BRD3: variants seen among roughly 807,000 people sequenced by gnomAD.
BRD3 encodes the protein bromodomain containing 3, also known as bromodomain-containing protein 3.
Under a neutral mutation model 66.8 loss-of-function variants are expected in BRD3, and 17 were observed. That is an observed-to-expected ratio of 0.25 (90% CI 0.17 to 0.38). BRD3 has a LOEUF of 0.38. BRD3 is among the 10% of genes least tolerant of loss of function. The pLI is 1.00. For synonymous variants in BRD3, 421 were observed against 393.2 expected, an observed-to-expected ratio of 1.07 and a Z score of -0.84; for missense variants, 713 against 956.1, an observed-to-expected ratio of 0.75 and a Z score of 3.35.
chr9:134,065,812 C>T (rs1454578547), intron 1 of BRD3, among the ~76,000 whole-genome samples: 2 of 152,248 alleles, frequency 1.3e-5, no homozygotes, highest in Non-Finnish European at 2.9e-5. Flanking sequence ...AAGGCCATCA[C>T]TGCCGCCTGG....
intron 9 of BRD3, among the ~76,000 whole-genome samples, chr9:134,039,559 C>T (rs899823757): frequency 1.3e-5 from 2 of 152,220 alleles, no homozygotes; most frequent in African/African-American, 4.8e-5. Context: ...TGAGCTCCTT[C>T]CCTACTAGCT....
chr9:134,034,964 G>A (rs974472386), intron 10 of BRD3, 135 bp from the exon 11 acceptor site: 1 of 1,355,040 alleles, frequency 7.4e-7, no homozygotes, highest in African/African-American at 1.5e-5. Flanking sequence ...ATGAGTCTGG[G>A]AGCTGACAGA....
At chr9:134,060,798 C>A (rs1353154826) in intron 1 of BRD3, among the ~76,000 whole-genome samples, 8 of 152,210 alleles carry the variant, frequency 5.3e-5, no homozygotes, top group African/African-American at 1.9e-4. Flanking sequence ...CTATCCTCAC[C>A]CTTGCTGTGT....
intron 1 of BRD3, 93 bp downstream of exon 1, chr9:134,067,852 C>T (rs1371977456): frequency 7.0e-6 from 1 of 143,726 alleles, no homozygotes; most frequent in African/African-American, 2.5e-5. Flanking sequence ...CTGCGCGGGG[C>T]GCTCGGGGCC....
At chr9:134,041,699 G>T in intron 8 of BRD3, 61 bp downstream of exon 8, 1 of 1,560,066 alleles carries the variant, frequency 6.4e-7, no homozygotes, top group Non-Finnish European at 8.7e-7. Context: ...CGGACCTTGG[G>T]CTGCTGTGCC....
chr9:134,056,395 G>A (rs1331339806), intron 1 of BRD3, among the ~76,000 whole-genome samples: 1 of 152,188 alleles, frequency 6.6e-6, no homozygotes, highest in Non-Finnish European at 1.5e-5. Flanking sequence ...TCGGTGGTGA[G>A]GCATGGTGAT....
intron 5 of BRD3, among the ~76,000 whole-genome samples, chr9:134,049,967 C>T (rs957251271): frequency 2.6e-5 from 4 of 152,150 alleles, no homozygotes; most frequent in African/African-American, 7.2e-5. Flanking sequence ...AGCCCACAGG[C>T]GGGGCCAGCT....
intron 6 of BRD3, among the ~76,000 whole-genome samples, chr9:134,046,802 G>A (rs1470936056): frequency 6.6e-6 from 1 of 152,180 alleles, no homozygotes; most frequent in East Asian, 1.9e-4. Context: ...GGGAAGCTCC[G>A]AACAAAGCAG....
chr9:134,045,384 C>A lies in BRD3; in HGVS notation c.1124G>T (p.Gly375Val), dbSNP rs746280960. 6.2e-7 allele frequency: 1 copy of A among 1,613,704 alleles called. No individual in the cohort carries two copies. The highest frequency in any genetic ancestry group is 1.1e-5 in the South Asian group (1 of 91,088). Reference sequence around the variant, plus strand: ...CATCAGCCGGACATCAGCAGCAAAGCCCTGTGCGTCTGGGTACTCTCGGCC... The same window carrying A: ...CATCAGCCGGACATCAGCAGCAAAGACCTGTGCGTCTGGGTACTCTCGGCC... ...MDGREYPDAQ[G>V]FAADVRLMFS... The change falls in exon 7 of 12, where the codon GGC becomes GTC. Residue 375 changes from glycine to valine, a missense_variant. Gly to Val is a moderately radical substitution (Grantham distance 109). Around this residue, in one of 5 missense-constraint regions of BRD3, gnomAD observed 418 missense variants for 609.3 expected, o/e 0.69. Transcript: ENST00000303407. This position sits in a 1 kb window ranked among gnomAD's most constrained non-coding sequence, Gnocchi z 4.8.
Position 134,051,889 on chromosome 9 carries a change from G to GTT in BRD3, c.352-182_352-181dup, listed in dbSNP as rs886259053. ...TGTGTGTGTGTGTGTTGTTTTTTTT[G>GTT]TTTTTTTTTTTTTTTTTTTGAGATG... On this transcript the variant is annotated intron_variant, in intron 3 of 11. Coordinates refer to ENST00000303407, the MANE Select transcript of BRD3 (RefSeq NM_007371.4). 1.3e-3 allele frequency among the ~76,000 whole-genome samples: 75 copies of GTT among 59,028 alleles called. 2 individuals are homozygous for GTT. The highest frequency in any genetic ancestry group is 3.8e-3 in the African/African-American group (60 of 15,762). 38.7% of individuals were successfully genotyped at this position (59,028 alleles called of 152,430 possible).
At chr9:134,039,908 G>C in intron 9 of BRD3, 126 bp downstream of exon 9, 2 of 1,459,018 alleles carry the variant, frequency 1.4e-6, no homozygotes, top group Non-Finnish European at 1.8e-6. Context: ...CTGTCTCCCT[G>C]CCCCCATCAC....
chr9:134,058,552 T>C lies in BRD3; in HGVS notation c.-113-4962A>G, dbSNP rs563492589. Reference sequence around the variant, plus strand: ...CCCAGGCCAGAGCCTGACCACTCCGTGTCACCTGCCTCTACTCCTGTAGTG... The same window carrying C: ...CCCAGGCCAGAGCCTGACCACTCCGCGTCACCTGCCTCTACTCCTGTAGTG... On this transcript the variant is annotated intron_variant, in intron 1 of 11. Coordinates refer to ENST00000303407, the MANE Select transcript of BRD3 (RefSeq NM_007371.4). 4 of 152,386 alleles carry C rather than the reference T, an allele frequency of 2.6e-5. No individual in the cohort carries two copies. In the East Asian group the frequency reaches 7.7e-4, roughly 29 times the overall value. The allele number at this position is 152,386 out of a possible 1,614,324, so 9.4% of individuals were successfully genotyped here.
At chr9:134,034,422 C>T in intron 11 of BRD3, 1 of 410,012 alleles carries the variant, frequency 2.4e-6, no homozygotes, top group Non-Finnish European at 4.5e-6. Flanking sequence ...TCCAGCCCCA[C>T]AAGAGCCCTC....
Position 134,032,104 on chromosome 9 carries a change from C to T in BRD3, c.*1486G>A, listed in dbSNP as rs1025003798. The T allele has an allele frequency of 3.2e-5, 7 of 217,644 alleles. No homozygotes were observed. Among genetic ancestry groups the T allele is most frequent in the East Asian group, 6.8e-5 (1 of 14,706 alleles). The allele number at this position is 217,644 out of a possible 1,614,324, so 13.5% of individuals were successfully genotyped here. On this transcript the variant is annotated 3_prime_UTR_variant, in exon 12 of 12. Transcript: ENST00000303407. ...TAACTCTGGCATTCCTGGCCGGAGCCGCCATGCTCATTGGTGGGCCAGTTT... is the reference window on the plus strand; with the variant it reads ...TAACTCTGGCATTCCTGGCCGGAGCTGCCATGCTCATTGGTGGGCCAGTTT...
intron 4 of BRD3, 31 bp from the exon 5 acceptor site, chr9:134,050,619 C>G (rs150376928): frequency 6.4e-7 from 1 of 1,552,664 alleles, no homozygotes; most frequent in South Asian, 1.1e-5. Context: ...GTTCAACACA[C>G]CAGGCTCCAC....
intron 1 of BRD3, among the ~76,000 whole-genome samples, chr9:134,066,169 CCA>C (rs1273317623): frequency 2.0e-5 from 3 of 152,184 alleles, no homozygotes; most frequent in Non-Finnish European, 4.4e-5. Context: ...GGAGCTGCTC[CCA>C]CAGTCTTTCC....
intron 8 of BRD3, among the ~76,000 whole-genome samples, chr9:134,041,070 T>A (rs1830035589): frequency 6.6e-6 from 1 of 152,180 alleles, no homozygotes; most frequent in Non-Finnish European, 1.5e-5. Context: ...AAATCAAATG[T>A]CCAGCCCAAC....
At position 134,050,374 on chromosome 9, in the gene BRD3, C is replaced by T. The variant is rs1361913371; in HGVS notation, c.714G>A (p.Lys238=). Residue 238 remains lysine, a splice_region_variant and synonymous_variant, in exon 5 of 12, where the codon AAG becomes AAA. Coordinates refer to ENST00000303407, the MANE Select transcript of BRD3 (RefSeq NM_007371.4). ...ACCCATCCGGACTCAGGGTGCTCAC[C>T]TTGACGACAGGCGGCGTAGGAGGGA... The part of the protein sequence containing the change: ...PVVPPTPPVV[K]KKGVKRKADT... 1.2e-6 allele frequency: 2 copies of T among 1,609,996 alleles called. No individual in the cohort carries two copies. The highest frequency in any genetic ancestry group is 1.7e-6 in the Non-Finnish European group (2 of 1,179,402).
At chr9:134,034,975 T>TTTA (rs1253319100) in intron 10 of BRD3, 146 bp from the exon 11 acceptor site, 1 of 1,263,150 alleles carries the variant, frequency 7.9e-7, no homozygotes, top group Non-Finnish European at 1.1e-6. Context: ...AGCTGACAGA[T>TTTA]GCAAAGCTGT....
Sources: allele counts gnomAD v4.1 joint callset (sites outside exome capture counted in the v4.1 genomes callset), GRCh38; gene constraint gnomAD v4.1.1; regional missense constraint gnomAD v4.1.1; non-coding constraint Gnocchi (gnomAD v3.1); transcripts MANE v1.5; gene names NCBI Gene and HGNC (gene_info 2026-07-23, HGNC 2026-07-21).